The following MLLT10 variants were observed in gnomAD, a reference collection of about 807,000 sequenced individuals.
MLLT10 encodes the protein protein AF-10.
A neutral mutation model predicts 129.1 loss-of-function variants in MLLT10; 30 were observed. The ratio of observed to expected loss-of-function variants is 0.23; its 90% CI spans 0.17 to 0.32. The LOEUF is 0.32. MLLT10 is among the 10% of genes least tolerant of loss of function. The pLI is 1.00. For missense variants in MLLT10, 1,119 were observed against 1,268.3 expected, an observed-to-expected ratio of 0.88 and a Z score of 1.79; for synonymous variants, 490 against 446.4, an observed-to-expected ratio of 1.10 and a Z score of -1.23.
At chr10:21,550,493 C>A (rs747156374) in intron 3 of MLLT10, among the ~76,000 whole-genome samples, 1 of 152,118 alleles carries the variant, frequency 6.6e-6, no homozygotes, top group Non-Finnish European at 1.5e-5. Context: ...CTGATAGCTT[C>A]GTTAACTGCC....
chr10:21,651,019 C>T (rs1249402296), intron 8 of MLLT10, among the ~76,000 whole-genome samples: 1 of 150,726 alleles, frequency 6.6e-6, no homozygotes, highest in Non-Finnish European at 1.5e-5. Context: ...AAAATGTTCA[C>T]AAAAGTATTT....
intron 3 of MLLT10, among the ~76,000 whole-genome samples, chr10:21,553,157 A>C (rs936663441): frequency 3.3e-5 from 5 of 152,140 alleles, no homozygotes; most frequent in Admixed American, 6.6e-5. Flanking sequence ...CATGAGAAAT[A>C]AATTAGGGTT....
chr10:21,679,250 GT>G (rs1158688532), intron 11 of MLLT10, among the ~76,000 whole-genome samples: 2 of 152,114 alleles, frequency 1.3e-5, no homozygotes, highest in Non-Finnish European at 2.9e-5. Context: ...GGTTTTGTTG[GT>G]TTTTTGACTG....
At chr10:21,588,627 G>A (rs1346061482) in intron 4 of MLLT10, among the ~76,000 whole-genome samples, 1 of 151,986 alleles carries the variant, frequency 6.6e-6, no homozygotes, top group African/African-American at 2.4e-5. Flanking sequence ...ACCAATATAT[G>A]TTCCCAGTTT....
intron 8 of MLLT10, among the ~76,000 whole-genome samples, chr10:21,619,043 C>CAG (rs1411838736): frequency 6.6e-6 from 1 of 151,270 alleles, no homozygotes; most frequent in Non-Finnish European, 1.5e-5. Context: ...CACACACACA[C>CAG]ACACACACAC....
At chr10:21,627,667 C>A (rs1045932839) in intron 8 of MLLT10, among the ~76,000 whole-genome samples, 2 of 152,188 alleles carry the variant, frequency 1.3e-5, no homozygotes, top group African/African-American at 2.4e-5. Flanking sequence ...AATCTTCATA[C>A]AGCTGTTTTC....
chr10:21,556,692 G>A, intron 3 of MLLT10: 2 of 1,612,550 alleles, frequency 1.2e-6, no homozygotes, highest in Non-Finnish European at 1.7e-6. Context: ...GTCACTCCTG[G>A]ATACATAGAA....
chr10:21,702,191 C>T (rs1249044916), intron 13 of MLLT10, among the ~76,000 whole-genome samples: 2 of 152,134 alleles, frequency 1.3e-5, no homozygotes, highest in African/African-American at 4.8e-5. Context: ...GCCCAAAGTG[C>T]TGGGATTACA....
At chr10:21,642,269 C>T (rs760660461) in intron 8 of MLLT10, among the ~76,000 whole-genome samples, 4 of 152,208 alleles carry the variant, frequency 2.6e-5, no homozygotes, top group Admixed American at 6.5e-5. Context: ...AGAAGAATGG[C>T]TTGAACCCGG....
At chr10:21,626,199 G>A (rs1032991966) in intron 8 of MLLT10, 1 of 1,601,948 alleles carries the variant, frequency 6.2e-7, no homozygotes, top group Non-Finnish European at 8.5e-7. Context: ...TCCTTGAACT[G>A]CTGTAGTACA....
chr10:21,632,094 T>G (rs2047063845), intron 8 of MLLT10, among the ~76,000 whole-genome samples: 1 of 152,156 alleles, frequency 6.6e-6, no homozygotes, highest in Admixed American at 6.5e-5. Context: ...CCTGCTTGCT[T>G]AAATAAATAA....
intron 9 of MLLT10, among the ~76,000 whole-genome samples, chr10:21,665,729 G>GTTA (rs941967132): frequency 5.3e-5 from 8 of 151,754 alleles, no homozygotes; most frequent in Non-Finnish European, 1.0e-4. Flanking sequence ...TTATAATACT[G>GTTA]TTATTATTAT....
intron 5 of MLLT10, among the ~76,000 whole-genome samples, chr10:21,609,111 T>C (rs571057068): frequency 6.6e-6 from 1 of 152,298 alleles, no homozygotes; most frequent in East Asian, 1.9e-4. Flanking sequence ...CTAACAAATG[T>C]AGGACCCACC....
In MLLT10 at chr10:21,554,371, C is replaced by T. The variant is rs531750209; in HGVS notation, c.240+15459C>T. 2.1e-3 allele frequency among the ~76,000 whole-genome samples: 320 copies of T among 152,104 alleles called. 3 individuals carry two copies. Among genetic ancestry groups the T allele is most frequent in the African/African-American group, 7.3e-3 (303 of 41,494 alleles). ...GACAGCATCTTGATATTGTAGCCCA[C>T]GCTGACCTTGAAAGTGATTCTCTCA... On this transcript the variant is annotated intron_variant, in intron 3 of 22. Coordinates refer to ENST00000307729, the MANE Select transcript of MLLT10 (RefSeq NM_001195626.3).
intron 2 of MLLT10, among the ~76,000 whole-genome samples, chr10:21,536,536 G>GT (rs2034040224): frequency 6.6e-6 from 1 of 152,178 alleles, no homozygotes; most frequent in South Asian, 2.1e-4. Context: ...CCTATGCTGT[G>GT]TTTTTTGACG....
At position 21,730,180 on chromosome 10, in the gene MLLT10, G is replaced by C. The variant is rs1378992579; in HGVS notation, c.2064-720G>C. ...GGTAGTGTGTGCTCTTGTGGTCCCA[G>C]CTGCTCAGGAGGCTTGAGGTGGGAG... On this transcript the variant is annotated intron_variant, in intron 16 of 22. Coordinates refer to ENST00000307729, the MANE Select transcript of MLLT10 (RefSeq NM_001195626.3). Among the ~76,000 whole-genome samples the C allele has an allele frequency of 2.6e-5, 4 of 151,928 alleles. No homozygotes were observed. The East Asian group carries it at 7.7e-4, about 29-fold the overall frequency.
chr10:21,569,333 AT>A (rs992539773), intron 3 of MLLT10, among the ~76,000 whole-genome samples: 1 of 150,924 alleles, frequency 6.6e-6, no homozygotes, highest in African/African-American at 2.4e-5. Context: ...ATCATAGCTC[AT>A]TAAGCCTCCA....
intron 13 of MLLT10, among the ~76,000 whole-genome samples, chr10:21,698,036 C>T (rs1402140703): frequency 2.0e-5 from 3 of 152,110 alleles, no homozygotes; most frequent in Non-Finnish European, 2.9e-5. Flanking sequence ...TCCATCACCT[C>T]GAATGTTTAT....
chr10:21,599,963 A>C (rs1350202992), intron 5 of MLLT10, among the ~76,000 whole-genome samples: 1 of 152,250 alleles, frequency 6.6e-6, no homozygotes, highest in African/African-American at 2.4e-5. Context: ...ACATTTCATT[A>C]GCCTAGAATA....
Sources: allele counts gnomAD v4.1 joint callset (sites outside exome capture counted in the v4.1 genomes callset), GRCh38; gene constraint gnomAD v4.1.1; transcripts MANE v1.5; gene names NCBI Gene and HGNC (gene_info 2026-07-23, HGNC 2026-07-21).